Variants in RNGTT observed in about 807,000 individuals in gnomAD.
RNGTT encodes RNA guanylyltransferase and 5'-phosphatase.
A neutral mutation model predicts 79.3 loss-of-function variants in RNGTT; 33 were observed. The observed-to-expected ratio is 0.42, with a 90% confidence interval of 0.32 to 0.56. The LOEUF (loss-of-function observed/expected upper bound fraction) is 0.56, where lower values mean the gene tolerates loss of function less well. RNGTT is among the 20% of genes least tolerant of loss of function. RNGTT has a pLI of 0.17. For missense variants in RNGTT, 497 were observed against 739.1 expected, an observed-to-expected ratio of 0.67 and a Z score of 3.80; for synonymous variants, 222 against 235.9, an observed-to-expected ratio of 0.94 and a Z score of 0.54.
intron 4 of RNGTT, among the ~76,000 whole-genome samples, chr6:88,907,526 G>T (rs545870084): frequency 2.1e-4 from 32 of 152,132 alleles, no homozygotes; most frequent in Non-Finnish European, 1.2e-4. Context: ...GCCTCCCCAG[G>T]CATGCACAAC....
intron 8 of RNGTT, among the ~76,000 whole-genome samples, chr6:88,873,295 T>C (rs1365767590): frequency 6.6e-6 from 1 of 152,126 alleles, no homozygotes; most frequent in African/African-American, 2.4e-5. Context: ...AGAAAGATGA[T>C]TCAAGGAAGA....
At position 88,904,913 on chromosome 6, in the gene RNGTT, T is replaced by C. The variant is rs1183093487; in HGVS notation, c.486A>G (p.Pro162=). Residue 162 remains proline (P), a synonymous_variant, in exon 6 of 16, where the codon CCA becomes CCG. Coordinates refer to ENST00000369485, the MANE Select transcript of RNGTT (RefSeq NM_003800.5). ...TCAAATAATCACCCTTGTAGATTCCTGGTGGTCTGGCTTGGGCAAAAGTAG... is the reference window on the plus strand; with the variant it reads ...TCAAATAATCACCCTTGTAGATTCCCGGTGGTCTGGCTTGGGCAAAAGTAG... ...AVATFAQARP[P]GIYKGDYLKE... 1.4e-5 allele frequency: 23 copies of C among 1,614,100 alleles called. No individual in the cohort carries two copies. The highest frequency in any genetic ancestry group is 1.9e-5 in the Non-Finnish European group (23 of 1,179,998).
At chr6:88,955,780 C>T (rs1056183964) in intron 1 of RNGTT, among the ~76,000 whole-genome samples, 12 of 151,926 alleles carry the variant, frequency 7.9e-5, no homozygotes, top group East Asian at 3.9e-4. Context: ...CAGTGGCTCA[C>T]GTCTGTAATC....
Position 88,913,064 on chromosome 6 carries a change from G to C in RNGTT, c.368-6624C>G, listed in dbSNP as rs567672550. Among the ~76,000 whole-genome samples the C allele has an allele frequency of 1.9e-3, 292 of 152,050 alleles. 2 individuals carry two copies. The highest frequency in any genetic ancestry group is 6.8e-3 in the African/African-American group (281 of 41,474). On this transcript the variant is annotated intron_variant, in intron 4 of 15. Transcript: ENST00000369485. Reference sequence around the variant, plus strand: ...ATTAAAAACACAAAAAATTAGCCAGGCATGGTGGCACACGCCTGTAATCCC... The same window carrying C: ...ATTAAAAACACAAAAAATTAGCCAGCCATGGTGGCACACGCCTGTAATCCC...
chr6:88,849,675 A>C (rs1333629242), intron 10 of RNGTT, 80 bp downstream of exon 10: 1 of 1,315,382 alleles, frequency 7.6e-7, no homozygotes, highest in Non-Finnish European at 1.0e-6. Context: ...ACTATCTCTA[A>C]GGCAGCACCA....
chr6:88,667,019 A>T (rs1774438077), intron 14 of RNGTT, among the ~76,000 whole-genome samples: 1 of 152,184 alleles, frequency 6.6e-6, no homozygotes, highest in Non-Finnish European at 1.5e-5. Context: ...AGCAGTATGG[A>T]AGCCTCGGAG....
intron 10 of RNGTT, among the ~76,000 whole-genome samples, chr6:88,844,870 A>G (rs1781436300): frequency 6.6e-6 from 1 of 152,044 alleles, no homozygotes; most frequent in Non-Finnish European, 1.5e-5. Context: ...GGAGGATCAC[A>G]TGAGCCCAGG....
chr6:88,954,308 G>A (rs1490962169), intron 1 of RNGTT, among the ~76,000 whole-genome samples: 1 of 152,040 alleles, frequency 6.6e-6, no homozygotes, highest in East Asian at 1.9e-4. Flanking sequence ...CTACACAACT[G>A]GAAATCAAAA....
At chr6:88,944,744 T>C (rs549251661) in intron 1 of RNGTT, among the ~76,000 whole-genome samples, 17 of 152,358 alleles carry the variant, frequency 1.1e-4, no homozygotes, top group Admixed American at 3.3e-4. Context: ...CATTTATGTA[T>C]ACATGTGTGA....
chr6:88,937,316 G>C (rs567551993), intron 2 of RNGTT, among the ~76,000 whole-genome samples: 124 of 151,878 alleles, frequency 8.2e-4, no homozygotes, highest in African/African-American at 2.8e-3. Context: ...TTGCACTCCA[G>C]CCTAGGCAAC....
At chr6:88,713,711 C>T (rs9351171) in intron 13 of RNGTT, among the ~76,000 whole-genome samples, 40,634 of 151,962 alleles carry the variant, frequency 0.27, 9,481 homozygotes, top group African/African-American at 0.63. Context: ...TTCAAATAAC[C>T]GCCATATTTC....
At chr6:88,811,307 C>T (rs1562264615) in intron 11 of RNGTT, among the ~76,000 whole-genome samples, 1 of 152,112 alleles carries the variant, frequency 6.6e-6, no homozygotes, top group South Asian at 2.1e-4. Flanking sequence ...AAGCATGATA[C>T]TTTTCATAAG....
intron 9 of RNGTT, among the ~76,000 whole-genome samples, chr6:88,851,410 C>T (rs992563133): frequency 9.2e-5 from 14 of 151,716 alleles, no homozygotes; most frequent in African/African-American, 2.7e-4. Flanking sequence ...TCTAAGTTTA[C>T]AGACTTTCTA....
intron 13 of RNGTT, among the ~76,000 whole-genome samples, chr6:88,750,981 C>T (rs570148292): frequency 6.6e-6 from 1 of 152,228 alleles, no homozygotes; most frequent in South Asian, 2.1e-4. Flanking sequence ...TTCACTCCTC[C>T]AGGATAGGGC....
At chr6:88,643,206 G>C (rs1005624911) in intron 14 of RNGTT, among the ~76,000 whole-genome samples, 1 of 151,764 alleles carries the variant, frequency 6.6e-6, no homozygotes, top group Non-Finnish European at 1.5e-5. Flanking sequence ...TGTTGACCAG[G>C]TCTGAAAAAA....
intron 13 of RNGTT, among the ~76,000 whole-genome samples, chr6:88,694,980 A>G (rs1378815263): frequency 6.6e-6 from 1 of 152,110 alleles, no homozygotes; most frequent in Non-Finnish European, 1.5e-5. Flanking sequence ...TTCATTATAA[A>G]TTGCCCAGTC....
intron 8 of RNGTT, among the ~76,000 whole-genome samples, chr6:88,868,575 G>A (rs965243834): frequency 6.6e-6 from 1 of 151,990 alleles, no homozygotes; most frequent in African/African-American, 2.4e-5. Context: ...ATCCTCCTAA[G>A]AACTCCCACA....
At chr6:88,783,653 TA>T (rs1279882109) in intron 12 of RNGTT, among the ~76,000 whole-genome samples, 5 of 152,164 alleles carry the variant, frequency 3.3e-5, no homozygotes, top group African/African-American at 1.2e-4. Context: ...TCTATAAATC[TA>T]AGACAATATG....
chr6:88,623,057 T>C (rs1772497621), intron 14 of RNGTT, among the ~76,000 whole-genome samples: 2 of 151,936 alleles, frequency 1.3e-5, no homozygotes, highest in East Asian at 3.9e-4. Context: ...CTAAGACCCA[T>C]AGGATGATAA....
Sources: gnomAD v4.1 joint callset for allele counts (sites outside exome capture counted in the v4.1 genomes callset) on GRCh38, gnomAD v4.1.1 for gene constraint, MANE v1.5 for transcripts, NCBI Gene and HGNC (gene_info 2026-07-23, HGNC 2026-07-21) for gene names.